Variants in CAST observed in about 807,000 individuals in gnomAD.
The protein encoded by CAST is calpastatin.
CAST carries 76 observed loss-of-function variants against 119.6 expected under a neutral mutation model. The ratio of observed to expected loss-of-function variants is 0.64; its 90% CI spans 0.53 to 0.77. The LOEUF (loss-of-function observed/expected upper bound fraction) is 0.77, where lower values mean the gene tolerates loss of function less well. Ranked by LOEUF, CAST falls within the 30% of genes least tolerant of loss-of-function variation. CAST has a pLI of 0.00. For synonymous variants in CAST, 319 were observed against 331.6 expected (o/e 0.96, Z 0.41); for missense variants, 953 against 946.5 (o/e 1.01, Z -0.09).
chr5:96,599,966 C>CAAAAAAAAAAAAAAAAAAAAA (rs74978713), intron 1 of CAST, among the ~76,000 whole-genome samples: 7 of 47,206 alleles, frequency 1.5e-4, no homozygotes, highest in African/African-American at 3.7e-4. Flanking sequence ...CTTCATTAGG[C>CAAAAAAAAAAAAAAAAAAAAA]AAAAAAAAAA....
chr5:95,994,416 A>G, the CAST span, among the ~76,000 whole-genome samples: 39 of 152,288 alleles, frequency 2.6e-4, 1 homozygote, highest in East Asian at 7.5e-3. Flanking sequence ...ATGTGATTCT[A>G]TTCATAAGAA....
the CAST span, among the ~76,000 whole-genome samples, chr5:96,114,861 GT>G: frequency 6.6e-6 from 1 of 152,244 alleles, no homozygotes; most frequent in East Asian, 1.9e-4. Flanking sequence ...TTGCAATGCT[GT>G]TTTCTCTGCT....
the CAST span, among the ~76,000 whole-genome samples, chr5:96,425,007 GAAAAGAAAGAAAGAAA>G: frequency 1.5e-5 from 1 of 66,874 alleles, no homozygotes. Flanking sequence ...GAGAAAGAAA[GAAAAGAAAGAAAGAAA>G]GAAAGAAAGA....
chr5:96,674,324 A>C (rs1285581373), intron 1 of CAST, among the ~76,000 whole-genome samples: 1 of 150,428 alleles, frequency 6.6e-6, no homozygotes, highest in Non-Finnish European at 1.5e-5. Flanking sequence ...TATTATTACT[A>C]TTATTATTAT....
At chr5:96,469,226 C>T in the CAST span, among the ~76,000 whole-genome samples, 9 of 152,010 alleles carry the variant, frequency 5.9e-5, no homozygotes, top group Non-Finnish European at 7.4e-5. Context: ...AGTACATCAG[C>T]GTGATTAAAC....
chr5:96,487,391 T>C, the CAST span, among the ~76,000 whole-genome samples: 1 of 152,226 alleles, frequency 6.6e-6, no homozygotes, highest in Non-Finnish European at 1.5e-5. Context: ...ATAAAATCAC[T>C]ATTTCGGAAT....
the CAST span, among the ~76,000 whole-genome samples, chr5:96,335,195 A>T: frequency 3.3e-5 from 5 of 152,052 alleles, no homozygotes; most frequent in African/African-American, 1.2e-4. Flanking sequence ...GTGATGTCCT[A>T]TCTCTTCTTC....
the CAST span, among the ~76,000 whole-genome samples, chr5:96,127,640 C>T: frequency 6.6e-6 from 1 of 152,046 alleles, no homozygotes; most frequent in Non-Finnish European, 1.5e-5. Context: ...AATGTTTCTT[C>T]TCTCTTTTTT....
the CAST span, among the ~76,000 whole-genome samples, chr5:96,345,956 A>G: frequency 6.6e-6 from 1 of 152,204 alleles, no homozygotes; most frequent in African/African-American, 2.4e-5. Context: ...ATTTATTGGA[A>G]GCAAAAGTAG....
At chr5:96,494,878 G>A in the CAST span, among the ~76,000 whole-genome samples, 3 of 152,174 alleles carry the variant, frequency 2.0e-5, no homozygotes, top group Non-Finnish European at 4.4e-5. Flanking sequence ...AGCACTTTGG[G>A]AGGGCAAGGC....
rs138552693 is a variant in CAST at position 96,742,683 on chromosome 5, C to G, written c.1127C>G (p.Ala376Gly). 6.8e-6 allele frequency: 11 copies of G among 1,613,680 alleles called. No individual in the cohort carries two copies. The highest frequency in any genetic ancestry group is 9.3e-6 in the Non-Finnish European group (11 of 1,179,734). Residue 376 changes from alanine (A) to glycine (G), a missense_variant, in exon 16 of 32, where the codon GCT becomes GGT. Coordinates refer to ENST00000675179, the MANE Select transcript of CAST (RefSeq NM_001750.7). ...ACAATGAGTGATCAAGCACTCGAGG[C>G]TCTGTCGGCTTCACTGGGCACCCGG... Reference protein sequence around the residue: ...KDTMSDQALEALSASLGTRQA... With the variant: ...KDTMSDQALEGLSASLGTRQA...
At chr5:96,116,805 T>C in the CAST span, among the ~76,000 whole-genome samples, 3 of 152,252 alleles carry the variant, frequency 2.0e-5, no homozygotes, top group Non-Finnish European at 2.9e-5. Flanking sequence ...TACTGAGTTG[T>C]ATGTATTTTT....
chr5:96,660,411 A>G (rs1003442356), upstream of CAST, among the ~76,000 whole-genome samples: 8 of 152,278 alleles, frequency 5.3e-5, no homozygotes, highest in Non-Finnish European at 7.3e-5. Flanking sequence ...CCTGGAGGAC[A>G]GGCAATGTAT....
the CAST span, among the ~76,000 whole-genome samples, chr5:96,230,985 A>G: frequency 1.3e-5 from 2 of 152,144 alleles, no homozygotes; most frequent in Non-Finnish European, 2.9e-5. Flanking sequence ...AGACAGTGAC[A>G]AGTGCTGAAA....
At chr5:96,761,833 G>GA (rs1768062061) in intron 24 of CAST, 2 of 154,514 alleles carry the variant, frequency 1.3e-5, no homozygotes, top group Admixed American at 1.3e-4. Flanking sequence ...AAGGCCATGG[G>GA]AAAACAGGCA....
At chr5:96,005,134 C>G in the CAST span, among the ~76,000 whole-genome samples, 1 of 152,164 alleles carries the variant, frequency 6.6e-6, no homozygotes, top group Non-Finnish European at 1.5e-5. Context: ...GTTTTAAAAA[C>G]TCATCTTCTT....
the CAST span, among the ~76,000 whole-genome samples, chr5:96,204,205 T>C: frequency 6.6e-6 from 1 of 152,016 alleles, no homozygotes. Flanking sequence ...ACCAGCCTGA[T>C]TGCAGGAAAC....
At chr5:96,100,120 G>A in the CAST span, among the ~76,000 whole-genome samples, 2 of 152,186 alleles carry the variant, frequency 1.3e-5, no homozygotes, top group African/African-American at 2.4e-5. Context: ...TGGAATGTGT[G>A]AGGGCTAGCA....
At chr5:96,341,566 C>T in the CAST span, among the ~76,000 whole-genome samples, 1 of 151,988 alleles carries the variant, frequency 6.6e-6, no homozygotes, top group Non-Finnish European at 1.5e-5. Flanking sequence ...ATACTGTATC[C>T]TTAAACCACC....
Sources: gnomAD v4.1 joint callset for allele counts (sites outside exome capture counted in the v4.1 genomes callset) on GRCh38, gnomAD v4.1.1 for gene constraint, MANE v1.5 for transcripts, NCBI Gene and HGNC (gene_info 2026-07-23, HGNC 2026-07-21) for gene names.